ATP8A2: variants seen among roughly 807,000 people sequenced by gnomAD.
The protein encoded by ATP8A2 is ATPase phospholipid transporting 8A2.
In ATP8A2, 100 loss-of-function variants were observed where a neutral mutation model predicts 165.6. That is an observed-to-expected ratio of 0.60 (90% confidence interval 0.51 to 0.71). The LOEUF is 0.71. Ranked by LOEUF, ATP8A2 falls within the 30% of genes least tolerant of loss-of-function variation. The pLI is 0.00. For missense variants in ATP8A2, 1,227 were observed against 1,479.5 expected (o/e 0.83, Z 2.80); for synonymous variants, 543 against 548.8 (o/e 0.99, Z 0.15).
chr13:25,912,155 GACACACACACAC>G (rs3056187), intron 33 of ATP8A2, among the ~76,000 whole-genome samples: 44 of 141,242 alleles, frequency 3.1e-4, no homozygotes, highest in African/African-American at 8.9e-4. Flanking sequence ...GAAAATGTGA[GACACACACACAC>G]ACACACACAC....
At chr13:25,744,325 A>ACCACCCC in intron 25 of ATP8A2, among the ~76,000 whole-genome samples, 1 of 148,534 alleles carries the variant, frequency 6.7e-6, no homozygotes, top group African/African-American at 2.5e-5. Context: ...CTCACTCACC[A>ACCACCCC]CCCCCCCGTG....
chr13:25,568,843 G>T (rs780974729), intron 16 of ATP8A2, among the ~76,000 whole-genome samples: 11 of 152,000 alleles, frequency 7.2e-5, no homozygotes, highest in Non-Finnish European at 1.2e-4. Flanking sequence ...ATGAATATAA[G>T]CATCCATAGG....
rs202245993 is a variant in ATP8A2, at chr13:25,837,230, T to A, written c.2822T>A (p.Leu941His). The A allele has an allele frequency of 1.8e-4, 286 of 1,613,930 alleles. No individual in the cohort carries two copies. Among genetic ancestry groups the A allele is most frequent in the Non-Finnish European group, 2.3e-4 (273 of 1,179,968 alleles). The change falls in exon 29 of 37, where the codon CTC becomes CAC. Residue 941 changes from leucine to histidine, a missense_variant. Physicochemically the swap from Leu to His is moderately conservative, Grantham distance 99 (BLOSUM62 -3). Transcript: ENST00000381655. Reference sequence around the variant, plus strand: ...AGGTCTTGCACTCAGGAGAGCATGCTCAGGTTTCCCCAGCTCTACAAAATC... The same window carrying A: ...AGGTCTTGCACTCAGGAGAGCATGCACAGGTTTCCCCAGCTCTACAAAATC... Reference protein sequence around the residue: ...FERSCTQESMLRFPQLYKITQ... With the variant: ...FERSCTQESMHRFPQLYKITQ...
At chr13:25,505,945 C>T (rs2037023164) in intron 2 of ATP8A2, among the ~76,000 whole-genome samples, 1 of 152,142 alleles carries the variant, frequency 6.6e-6, no homozygotes, top group South Asian at 2.1e-4. Flanking sequence ...ATGATGGCCT[C>T]CACTGCAGAG....
chr13:25,686,983 T>A (rs991552372), intron 24 of ATP8A2, among the ~76,000 whole-genome samples: 1 of 152,176 alleles, frequency 6.6e-6, no homozygotes, highest in Non-Finnish European at 1.5e-5. Context: ...CTGTAGTCGA[T>A]GTTTCATGAC....
intron 7 of ATP8A2, among the ~76,000 whole-genome samples, chr13:25,539,711 CTG>C (rs1355500468): frequency 6.6e-6 from 1 of 152,162 alleles, no homozygotes; most frequent in Non-Finnish European, 1.5e-5. Context: ...TAATCACTAA[CTG>C]TGTGAACCTA....
rs1376836394 is a variant in ATP8A2 at position 25,609,563 on chromosome 13, A to ATTCAAATATATATATATATTTGGG, written c.2211+19882_2211+19905dup. Among the ~76,000 whole-genome samples the ATTCAAATATATATATATATTTGGG allele has an allele frequency of 4.4e-3, 606 of 139,274 alleles. 10 individuals carry two copies. Among genetic ancestry groups the ATTCAAATATATATATATATTTGGG allele is most frequent in the African/African-American group, 0.015 (579 of 37,886 alleles). 91.4% of individuals were successfully genotyped at this position (139,274 alleles called of 152,430 possible). ...TTCAAATATATATATATATATTTGGATTCAAATATATATATATATTTGGGT... is the reference window on the plus strand; with the variant it reads ...TTCAAATATATATATATATATTTGGATTCAAATATATATATATATTTGGGTTCAAATATATATATATATTTGGGT... On this transcript the variant is annotated intron_variant, in intron 24 of 36. Coordinates refer to ENST00000381655, the MANE Select transcript of ATP8A2 (RefSeq NM_016529.6).
chr13:25,693,532 G>A (rs904021329), intron 24 of ATP8A2, among the ~76,000 whole-genome samples: 1 of 152,064 alleles, frequency 6.6e-6, no homozygotes, highest in Non-Finnish European at 1.5e-5. Context: ...CAGATGAAGG[G>A]CAGGGAGAAG....
chr13:25,568,785 T>G (rs1023687559), intron 16 of ATP8A2, among the ~76,000 whole-genome samples: 1 of 152,168 alleles, frequency 6.6e-6, no homozygotes, highest in Non-Finnish European at 1.5e-5. Flanking sequence ...TTTACCACAA[T>G]ACAAATTTTT....
rs1311497558 is a variant in ATP8A2 at position 25,595,030 on chromosome 13, G to GTATA, written c.2211+5342_2211+5345dup. 7.5e-5 allele frequency among the ~76,000 whole-genome samples: 11 copies of GTATA among 146,670 alleles called. 1 individual carries two copies. Among genetic ancestry groups the GTATA allele is most frequent in the Admixed American group, 2.0e-4 (3 of 14,680 alleles). On this transcript the variant is annotated intron_variant, in intron 24 of 36. Coordinates refer to ENST00000381655, the MANE Select transcript of ATP8A2 (RefSeq NM_016529.6). ...TATGTATGTATGCGTATATGTATAT[G>GTATA]TATATATATATATAATGGAATACTA...
intron 30 of ATP8A2, among the ~76,000 whole-genome samples, chr13:25,841,082 A>G (rs1239176434): frequency 2.6e-5 from 4 of 152,214 alleles, no homozygotes; most frequent in African/African-American, 9.6e-5. Flanking sequence ...AGTGGAGACG[A>G]TGGTTTTCTA....
At chr13:25,923,263 G>C (rs1212167489) in intron 33 of ATP8A2, among the ~76,000 whole-genome samples, 1 of 152,190 alleles carries the variant, frequency 6.6e-6, no homozygotes, top group Non-Finnish European at 1.5e-5. Flanking sequence ...AGTTCATGAA[G>C]TCTTTCTAAA....
intron 35 of ATP8A2, 103 bp from the exon 36 acceptor site, chr13:26,012,428 T>G: frequency 1.1e-6 from 1 of 874,136 alleles, no homozygotes; most frequent in Non-Finnish European, 1.8e-6. Flanking sequence ...TTACCCGACG[T>G]GGGGAGGTGA....
chr13:25,544,652 C>T (rs560899635), intron 10 of ATP8A2, among the ~76,000 whole-genome samples: 17 of 152,180 alleles, frequency 1.1e-4, no homozygotes, highest in East Asian at 9.7e-4. Flanking sequence ...GGGAGTGACT[C>T]GTGTGAGTAG....
intron 25 of ATP8A2, among the ~76,000 whole-genome samples, chr13:25,720,167 C>CTTTTTTT (rs1007404557): frequency 2.2e-4 from 26 of 117,260 alleles, no homozygotes; most frequent in African/African-American, 6.5e-4. Flanking sequence ...TATACTTTTT[C>CTTTTTTT]TTTTTTTTTT....
At chr13:25,491,847 CT>C (rs1030517631) in intron 2 of ATP8A2, among the ~76,000 whole-genome samples, 17 of 152,162 alleles carry the variant, frequency 1.1e-4, no homozygotes, top group African/African-American at 4.1e-4. Flanking sequence ...GTGTTTATAC[CT>C]TTGATAGAGC....
At chr13:25,706,491 T>C (rs1021890603) in intron 25 of ATP8A2, among the ~76,000 whole-genome samples, 1 of 152,166 alleles carries the variant, frequency 6.6e-6, no homozygotes, top group Admixed American at 6.5e-5. Context: ...TGATGGATAA[T>C]AGGAAATCAG....
intron 33 of ATP8A2, among the ~76,000 whole-genome samples, chr13:25,874,447 C>A (rs189870368): frequency 5.8e-4 from 88 of 152,302 alleles, no homozygotes; most frequent in Non-Finnish European, 1.0e-3. Context: ...CACAGTTTAC[C>A]TTTCGCTTGT....
intron 33 of ATP8A2, among the ~76,000 whole-genome samples, chr13:25,943,879 T>C (rs764876315): frequency 1.3e-5 from 2 of 152,234 alleles, no homozygotes; most frequent in Non-Finnish European, 2.9e-5. Flanking sequence ...TATTGCGTAA[T>C]GATGCATGAC....
Sources: gnomAD v4.1 joint callset for allele counts (sites outside exome capture counted in the v4.1 genomes callset) on GRCh38, gnomAD v4.1.1 for gene constraint, MANE v1.5 for transcripts, NCBI Gene and HGNC (gene_info 2026-07-23, HGNC 2026-07-21) for gene names.